Variants in ARHGEF3 observed in about 807,000 individuals in gnomAD.
The protein encoded by ARHGEF3 is Rho guanine nucleotide exchange factor 3.
ARHGEF3 carries 28 observed loss-of-function variants against 63.2 expected under a neutral mutation model. The ratio of observed to expected loss-of-function variants is 0.44; its 90% CI spans 0.33 to 0.61. ARHGEF3 has a LOEUF of 0.61. Among genes scored for constraint, ARHGEF3 ranks in the 20% least tolerant of loss-of-function variants. The probability of loss-of-function intolerance (pLI) is 0.03; values close to 1 mark genes in which losing one functional copy is unlikely to be tolerated. For synonymous variants in ARHGEF3, 266 were observed against 254.2 expected, an observed-to-expected ratio of 1.05 and a Z score of -0.44; for missense variants, 533 against 659.3, an observed-to-expected ratio of 0.81 and a Z score of 2.10.
intron 1 of ARHGEF3, among the ~76,000 whole-genome samples, chr3:57,044,274 C>T (rs571615843): frequency 3.4e-4 from 52 of 152,304 alleles, no homozygotes; most frequent in African/African-American, 1.2e-3. Flanking sequence ...AGGACACCCG[C>T]GCCATGGAGG....
intron 2 of ARHGEF3, among the ~76,000 whole-genome samples, chr3:56,979,719 A>G (rs901933382): frequency 7.2e-5 from 11 of 152,204 alleles, no homozygotes; most frequent in African/African-American, 2.7e-4. Flanking sequence ...TCAGCCAGCC[A>G]ACGAGGATGT....
intron 2 of ARHGEF3, among the ~76,000 whole-genome samples, chr3:56,980,404 C>T (rs4476475): frequency 0.32 from 49,385 of 151,976 alleles, 8,585 homozygotes; most frequent in Middle Eastern, 0.47. Flanking sequence ...AGAAGAATGG[C>T]TGTATGGGGA....
intron 2 of ARHGEF3, among the ~76,000 whole-genome samples, chr3:56,962,700 GAA>G (rs1238841064): frequency 6.6e-6 from 1 of 152,144 alleles, no homozygotes; most frequent in Non-Finnish European, 1.5e-5. Context: ...AGGTGGGAAA[GAA>G]AAGCCACAAG....
chr3:57,074,438 C>A, intron 1 of ARHGEF3: 1 of 621,280 alleles, frequency 1.6e-6, no homozygotes, highest in Non-Finnish European at 2.9e-6. Flanking sequence ...TCACACTTCC[C>A]CAATATCACA....
chr3:57,040,331 G>T (rs1194126569), intron 1 of ARHGEF3, among the ~76,000 whole-genome samples: 1 of 151,942 alleles, frequency 6.6e-6, no homozygotes, highest in African/African-American at 2.4e-5. Context: ...CAAAAAATTA[G>T]CCAGCCGTGG....
At chr3:57,073,367 CA>C (rs2107412590) in intron 1 of ARHGEF3, 2 of 264,180 alleles carry the variant, frequency 7.6e-6, no homozygotes, top group African/African-American at 2.2e-5. Context: ...TGTTTCTAGC[CA>C]AAAGGGAAGG....
At chr3:56,996,335 T>C (rs1289831368) in intron 2 of ARHGEF3, among the ~76,000 whole-genome samples, 1 of 152,190 alleles carries the variant, frequency 6.6e-6, no homozygotes, top group Non-Finnish European at 1.5e-5. Context: ...CAAATATAGT[T>C]ATTCCTTCCT....
At chr3:56,809,671 T>C (rs2037993180) in intron 4 of ARHGEF3, among the ~76,000 whole-genome samples, 1 of 152,166 alleles carries the variant, frequency 6.6e-6, no homozygotes, top group African/African-American at 2.4e-5. Flanking sequence ...GAGTATTTCA[T>C]ATTTGGGGGT....
At chr3:57,001,113 A>C (rs1702175680) in intron 2 of ARHGEF3, among the ~76,000 whole-genome samples, 1 of 150,506 alleles carries the variant, frequency 6.6e-6, no homozygotes, top group African/African-American at 2.4e-5. Context: ...CTAAATTTTA[A>C]TTTTTTTGTA....
intron 2 of ARHGEF3, among the ~76,000 whole-genome samples, chr3:56,972,205 G>A: frequency 6.6e-6 from 1 of 152,052 alleles, no homozygotes; most frequent in East Asian, 1.9e-4. Flanking sequence ...CAAGACCTGG[G>A]TTCAAGCCCA....
chr3:56,767,954 G>C (rs991898300), intron 2 of ARHGEF3, among the ~76,000 whole-genome samples: 12 of 151,990 alleles, frequency 7.9e-5, no homozygotes, highest in African/African-American at 2.9e-4. Context: ...CACCATGTTG[G>C]CCAGGCTGGT....
intron 3 of ARHGEF3, among the ~76,000 whole-genome samples, chr3:56,952,006 T>G (rs1184840292): frequency 6.6e-6 from 1 of 151,950 alleles, no homozygotes; most frequent in Non-Finnish European, 1.5e-5. Context: ...ATTCCCATCC[T>G]CTAGTGTATA....
At chr3:56,808,451 G>A (rs1016628643) in intron 4 of ARHGEF3, among the ~76,000 whole-genome samples, 4 of 152,004 alleles carry the variant, frequency 2.6e-5, no homozygotes, top group Non-Finnish European at 4.4e-5. Context: ...GTAGCTGGGC[G>A]TAGTAGCATG....
intron 2 of ARHGEF3, among the ~76,000 whole-genome samples, chr3:56,759,378 C>A (rs1559912666): frequency 2.0e-5 from 3 of 152,022 alleles, no homozygotes; most frequent in Admixed American, 2.0e-4. Context: ...TGGGGTTTCA[C>A]CATGTTGGTC....
intron 1 of ARHGEF3, chr3:57,073,366 C>A (rs1706039727): frequency 7.7e-6 from 2 of 260,748 alleles, no homozygotes; most frequent in Non-Finnish European, 7.3e-6. Context: ...ATGTTTCTAG[C>A]CAAAAGGGAA....
chr3:56,745,413 G>A lies in ARHGEF3; in HGVS notation c.662C>T (p.Ala221Val). Residue 221 changes from alanine to valine, a missense_variant, in exon 7 of 10, where the codon GCC (alanine) becomes GTC (valine). Physicochemically the swap from Ala to Val is moderately conservative, Grantham distance 64. Transcript: ENST00000296315. Reference sequence around the variant, plus strand: ...CTTTTTGTGGTCCAGCAGAGCTTTGGCGGCTACTTGATTGCTGCAGTAGCT... The same window carrying A: ...CTTTTTGTGGTCCAGCAGAGCTTTGACGGCTACTTGATTGCTGCAGTAGCT... The part of the protein sequence containing the change: ...YDSYCSNQVA[A>V]KALLDHKKQD... 1.2e-6 allele frequency: 2 copies of A among 1,614,036 alleles called. No individual in the cohort carries two copies. The highest frequency in any genetic ancestry group is 1.7e-6 in the Non-Finnish European group (2 of 1,180,012).
intron 6 of ARHGEF3, among the ~76,000 whole-genome samples, chr3:56,748,679 G>A (rs1274335748): frequency 2.0e-5 from 3 of 151,402 alleles, no homozygotes; most frequent in Non-Finnish European, 4.4e-5. Flanking sequence ...TTGAAAAAAC[G>A]TTGGCATAGA....
At chr3:56,877,333 A>T (rs1005281433) in intron 4 of ARHGEF3, among the ~76,000 whole-genome samples, 12 of 151,950 alleles carry the variant, frequency 7.9e-5, no homozygotes, top group African/African-American at 2.9e-4. Context: ...TTCATAATAT[A>T]GTAAGTGAAA....
intron 1 of ARHGEF3, among the ~76,000 whole-genome samples, chr3:57,063,491 G>C (rs1705349952): frequency 6.6e-6 from 1 of 152,126 alleles, no homozygotes; most frequent in Non-Finnish European, 1.5e-5. Flanking sequence ...GGAGCGGGAG[G>C]GGAGCAGTGG....
Sources: allele counts gnomAD v4.1 joint callset (sites outside exome capture counted in the v4.1 genomes callset), GRCh38; gene constraint gnomAD v4.1.1; transcripts MANE v1.5; gene names NCBI Gene and HGNC (gene_info 2026-07-23, HGNC 2026-07-21).